Variants in LRRIQ3 observed in about 807,000 individuals in gnomAD.
The protein encoded by LRRIQ3 is leucine rich repeats and IQ motif containing 3, also known as leucine-rich repeat and IQ domain-containing protein 3.
LRRIQ3 carries 75 observed loss-of-function variants against 59.3 expected under a neutral mutation model. The ratio of observed to expected loss-of-function variants is 1.26; its 90% CI spans 1.05 to 1.53. The LOEUF is 1.53. LRRIQ3 is among the 40% of genes most tolerant of loss of function. LRRIQ3 has a pLI of 0.00. For synonymous variants in LRRIQ3, 250 were observed against 231.3 expected (o/e 1.08, Z -0.73); for missense variants, 831 against 710.0 (o/e 1.17, Z -1.94).
At position 74,065,567 on chromosome 1, in the gene LRRIQ3, T is replaced by C. The variant is rs997963212; in HGVS notation, c.997+9094A>G. Reference sequence around the variant, plus strand: ...TCCTCCATAGTTAACGTGAGGTCAATTAAAAGTTGGATGTCTTCACATGAA... The same window carrying C: ...TCCTCCATAGTTAACGTGAGGTCAACTAAAAGTTGGATGTCTTCACATGAA... On this transcript the variant is annotated intron_variant, in intron 6 of 7. Coordinates refer to ENST00000354431, the MANE Select transcript of LRRIQ3 (RefSeq NM_001105659.2). Among the ~76,000 whole-genome samples the C allele has an allele frequency of 5.3e-5, 8 of 152,138 alleles. No homozygotes were observed. In the South Asian group the frequency reaches 1.7e-3, roughly 32 times the overall value.
intron 5 of LRRIQ3, among the ~76,000 whole-genome samples, chr1:74,100,987 A>T (rs1380350659): frequency 6.6e-6 from 1 of 152,180 alleles, no homozygotes; most frequent in Non-Finnish European, 1.5e-5. Flanking sequence ...ACCATTCAGG[A>T]CATAGGCATG....
chr1:74,035,385 G>A (rs1419268856), intron 7 of LRRIQ3, among the ~76,000 whole-genome samples: 1 of 151,956 alleles, frequency 6.6e-6, no homozygotes, highest in African/African-American at 2.4e-5. Flanking sequence ...TCTTTGGCAT[G>A]TGCTCATTTT....
intron 4 of LRRIQ3, among the ~76,000 whole-genome samples, chr1:74,120,911 A>C (rs1029442947): frequency 2.0e-5 from 3 of 152,092 alleles, no homozygotes; most frequent in Non-Finnish European, 4.4e-5. Context: ...CAAATTTATT[A>C]AACCTCTCAT....
chr1:74,185,670 G>A (rs1005166522), intron 1 of LRRIQ3, among the ~76,000 whole-genome samples: 2 of 152,180 alleles, frequency 1.3e-5, no homozygotes, highest in Middle Eastern at 3.4e-3. Flanking sequence ...AGGGCCGGGC[G>A]CAGTGGCTCA....
intron 3 of LRRIQ3, among the ~76,000 whole-genome samples, chr1:74,174,369 C>T (rs114942027): frequency 5.1e-4 from 77 of 151,494 alleles, no homozygotes; most frequent in African/African-American, 1.4e-3. Context: ...ATCCCCCTTC[C>T]GCCCTTCCCC....
chr1:74,190,217 G>A (rs1296659644), intron 1 of LRRIQ3, among the ~76,000 whole-genome samples: 2 of 152,078 alleles, frequency 1.3e-5, no homozygotes, highest in African/African-American at 2.4e-5. Flanking sequence ...ATCAGACTGG[G>A]AATTGAAAAC....
In LRRIQ3 at chr1:74,180,565, G is replaced by C. The variant is rs545039646; in HGVS notation, c.573+1973C>G. On this transcript the variant is annotated intron_variant, in intron 3 of 7. Transcript: ENST00000354431. ...GTTAAATAAGTTCTTTTCTGTCCCAGTTATCCAGCTTCAAAATAGTAGAGG... is the reference window on the plus strand; with the variant it reads ...GTTAAATAAGTTCTTTTCTGTCCCACTTATCCAGCTTCAAAATAGTAGAGG... The C allele has an allele frequency of 2.2e-5, 14 of 636,484 alleles. No homozygotes were observed. In the African/African-American group the frequency reaches 2.2e-4, roughly 10 times the overall value. 39.4% of individuals were successfully genotyped at this position (636,484 alleles called of 1,614,324 possible). A position where few individuals can be genotyped will look rare whatever the true frequency, so the allele number is the denominator to read the frequency against.
intron 5 of LRRIQ3, among the ~76,000 whole-genome samples, chr1:74,076,554 G>T (rs1173434644): frequency 1.3e-5 from 2 of 152,160 alleles, no homozygotes; most frequent in East Asian, 1.9e-4. Context: ...TTGAAATAGA[G>T]AATTCATCCT....
At chr1:74,098,844 C>T (rs1436115395) in intron 5 of LRRIQ3, among the ~76,000 whole-genome samples, 1 of 152,120 alleles carries the variant, frequency 6.6e-6, no homozygotes, top group Middle Eastern at 3.2e-3. Flanking sequence ...TAAAGATGTT[C>T]TTTGAAACCA....
chr1:74,056,730 GA>G (rs1156597482), intron 6 of LRRIQ3, among the ~76,000 whole-genome samples: 1 of 151,986 alleles, frequency 6.6e-6, no homozygotes, highest in Non-Finnish European at 1.5e-5. Flanking sequence ...AAAATAAATG[GA>G]AAACTATCCT....
At chr1:74,050,709 T>C (rs1654344995) in intron 6 of LRRIQ3, 3 of 221,208 alleles carry the variant, frequency 1.4e-5, no homozygotes, top group African/African-American at 2.3e-5. Flanking sequence ...CCTTATGTGA[T>C]ACATAAGCTT....
chr1:74,104,977 A>G (rs1646588725), intron 5 of LRRIQ3, among the ~76,000 whole-genome samples: 1 of 152,028 alleles, frequency 6.6e-6, no homozygotes. Context: ...TTTATGAATT[A>G]AAAAGAAGAG....
At chr1:74,115,237 C>G (rs1039404477) in intron 4 of LRRIQ3, among the ~76,000 whole-genome samples, 5 of 151,974 alleles carry the variant, frequency 3.3e-5, no homozygotes, top group African/African-American at 1.2e-4. Context: ...ATTAAAAATC[C>G]AAAGTCTAAT....
At chr1:74,090,612 G>T (rs1646384153) in intron 5 of LRRIQ3, among the ~76,000 whole-genome samples, 1 of 152,026 alleles carries the variant, frequency 6.6e-6, no homozygotes. Flanking sequence ...TTTAGGCCAG[G>T]CATGGTGGCT....
chr1:74,066,408 T>G (rs913765134), intron 6 of LRRIQ3, among the ~76,000 whole-genome samples: 9 of 152,074 alleles, frequency 5.9e-5, no homozygotes, highest in African/African-American at 2.2e-4. Flanking sequence ...CTTATCTATT[T>G]TCTTTCTAAA....
At chr1:74,105,498 C>T (rs10890108) in intron 5 of LRRIQ3, among the ~76,000 whole-genome samples, 50,074 of 151,792 alleles carry the variant, frequency 0.33, 9,916 homozygotes, top group East Asian at 0.77. Context: ...ATTAATCTAT[C>T]CACCTTGGCC....
intron 5 of LRRIQ3, among the ~76,000 whole-genome samples, chr1:74,080,525 A>T (rs981991780): frequency 6.6e-6 from 1 of 151,680 alleles, no homozygotes; most frequent in East Asian, 1.9e-4. Flanking sequence ...AAGAATAAAC[A>T]CTTTACACTG....
chr1:74,047,827 C>T (rs1006154041), intron 6 of LRRIQ3, among the ~76,000 whole-genome samples: 1 of 152,034 alleles, frequency 6.6e-6, no homozygotes, highest in Non-Finnish European at 1.5e-5. Context: ...GAGCCCCAAC[C>T]CCCAGTGTGG....
intron 3 of LRRIQ3, among the ~76,000 whole-genome samples, chr1:74,170,152 C>T (rs1250270729): frequency 6.6e-6 from 1 of 152,082 alleles, no homozygotes; most frequent in African/African-American, 2.4e-5. Context: ...TTGATTGTTT[C>T]CCTTGCTGTG....
Sources: gnomAD v4.1 joint callset for allele counts (sites outside exome capture counted in the v4.1 genomes callset) on GRCh38, gnomAD v4.1.1 for gene constraint, MANE v1.5 for transcripts, NCBI Gene and HGNC (gene_info 2026-07-23, HGNC 2026-07-21) for gene names.